Variants in CNTNAP4 observed in about 807,000 individuals in gnomAD.
CNTNAP4 encodes contactin-associated protein-like 4.
In CNTNAP4, 98 loss-of-function variants were observed where a neutral mutation model predicts 148.4. That is an observed-to-expected ratio of 0.66 (90% confidence interval 0.56 to 0.78). The LOEUF (loss-of-function observed/expected upper bound fraction) is 0.78. Ranked by LOEUF, CNTNAP4 falls within the 30% of genes least tolerant of loss-of-function variation. The pLI, the probability that CNTNAP4 is intolerant of heterozygous loss-of-function variation, is 0.00. For missense variants in CNTNAP4, 1,935 were observed against 1,565.6 expected, an observed-to-expected ratio of 1.24 and a Z score of -3.98; for synonymous variants, 730 against 565.1, an observed-to-expected ratio of 1.29 and a Z score of -4.14.
chr16:76,463,047 C>T (rs1007055361), intron 9 of CNTNAP4, among the ~76,000 whole-genome samples: 1 of 152,138 alleles, frequency 6.6e-6, no homozygotes, highest in African/African-American at 2.4e-5. Context: ...AAAAAAACTG[C>T]TACATAATCC....
At chr16:76,393,171 C>A (rs556962940) in intron 3 of CNTNAP4, among the ~76,000 whole-genome samples, 1 of 152,262 alleles carries the variant, frequency 6.6e-6, no homozygotes, top group South Asian at 2.1e-4. Flanking sequence ...CCTATCTAGC[C>A]TTATCTTATG....
intron 17 of CNTNAP4, among the ~76,000 whole-genome samples, chr16:76,527,034 C>A (rs2083764665): frequency 6.6e-6 from 1 of 152,068 alleles, no homozygotes; most frequent in Non-Finnish European, 1.5e-5. Flanking sequence ...TAATTTATAG[C>A]AGTGATTAAA....
chr16:76,334,812 A>G (rs752655325), intron 2 of CNTNAP4, among the ~76,000 whole-genome samples: 3 of 152,064 alleles, frequency 2.0e-5, no homozygotes, highest in African/African-American at 4.8e-5. Flanking sequence ...GCTTTATTCA[A>G]TATGAGAGCT....
At chr16:76,391,582 C>G (rs1361858356) in intron 3 of CNTNAP4, among the ~76,000 whole-genome samples, 1 of 152,154 alleles carries the variant, frequency 6.6e-6, no homozygotes, top group Admixed American at 6.5e-5. Flanking sequence ...CGTGCAGTAT[C>G]AGACTCACTT....
chr16:76,284,269 G>A (rs1208302103), intron 1 of CNTNAP4, among the ~76,000 whole-genome samples: 1 of 151,878 alleles, frequency 6.6e-6, no homozygotes, highest in South Asian at 2.1e-4. Context: ...CTTATAAAAT[G>A]TATGGATGAT....
At chr16:76,438,357 C>T (rs1320948438) in intron 4 of CNTNAP4, among the ~76,000 whole-genome samples, 1 of 152,054 alleles carries the variant, frequency 6.6e-6, no homozygotes. Flanking sequence ...TGGAAGGGGA[C>T]CACCTTTGGA....
chr16:76,408,145 A>G (rs7205862), intron 3 of CNTNAP4, among the ~76,000 whole-genome samples: 53,115 of 151,982 alleles, frequency 0.35, 10,931 homozygotes, highest in Non-Finnish European at 0.44. Context: ...AAATATAAAG[A>G]TACTATTTAT....
chr16:76,282,362 C>T (rs1266057578), intron 1 of CNTNAP4, among the ~76,000 whole-genome samples: 1 of 151,696 alleles, frequency 6.6e-6, no homozygotes, highest in Admixed American at 6.6e-5. Context: ...AATATAAGTT[C>T]AATGAAGTAT....
Position 76,535,665 on chromosome 16 carries a change from G to A in CNTNAP4, c.2876G>A (p.Arg959Lys). 1 of 1,614,066 alleles carries A rather than the reference G, an allele frequency of 6.2e-7. No homozygotes were observed. The highest frequency in any genetic ancestry group is 1.3e-5 in the African/African-American group (1 of 75,044). The change falls in exon 18 of 24, where the codon AGG (arginine) becomes AAG (lysine). Residue 959 changes from arginine to lysine, a missense_variant. By Grantham distance (26) the Arg-to-Lys change is conservative. Transcript: ENST00000611870. ...ACTCCAGAAGTGCAGCCAGGTTGTA[G>A]GGGACATTGCAGCAGCTATGGGAAG... ...QVTPEVQPGCRGHCSSYGKLC... is the reference protein window; with the variant it reads ...QVTPEVQPGCKGHCSSYGKLC...
At chr16:76,424,957 C>T (rs796771777) in intron 3 of CNTNAP4, among the ~76,000 whole-genome samples, 9 of 152,096 alleles carry the variant, frequency 5.9e-5, no homozygotes, top group African/African-American at 2.2e-4. Flanking sequence ...TCGGGATTGC[C>T]ATAGAAATTG....
chr16:76,428,381 T>C (rs2079487707), intron 4 of CNTNAP4, among the ~76,000 whole-genome samples: 1 of 151,944 alleles, frequency 6.6e-6, no homozygotes, highest in Non-Finnish European at 1.5e-5. Flanking sequence ...TATGAAATAA[T>C]CTGGAAGAGA....
chr16:76,424,442 T>C (rs961480254), intron 3 of CNTNAP4, among the ~76,000 whole-genome samples: 5 of 152,078 alleles, frequency 3.3e-5, no homozygotes, highest in Non-Finnish European at 5.9e-5. Flanking sequence ...TTACTCTAAT[T>C]TGGAAAGCTT....
intron 3 of CNTNAP4, among the ~76,000 whole-genome samples, chr16:76,379,644 T>C (rs953351124): frequency 1.3e-5 from 2 of 152,210 alleles, no homozygotes; most frequent in Non-Finnish European, 2.9e-5. Flanking sequence ...AAGTTTTTCC[T>C]CCCATTGAAA....
intron 9 of CNTNAP4, 44 bp downstream of exon 9, chr16:76,462,149 G>A: frequency 2.0e-6 from 3 of 1,537,820 alleles, no homozygotes; most frequent in Non-Finnish European, 2.7e-6. Flanking sequence ...AACCATATTT[G>A]CATTAGTGCC....
intron 2 of CNTNAP4, among the ~76,000 whole-genome samples, chr16:76,317,407 CAG>C (rs1447692976): frequency 6.6e-6 from 1 of 150,978 alleles, no homozygotes; most frequent in Non-Finnish European, 1.5e-5. Context: ...AGAAATAAGA[CAG>C]AATTTCAAAA....
chr16:76,406,334 A>C (rs992319647), intron 3 of CNTNAP4, among the ~76,000 whole-genome samples: 9 of 151,974 alleles, frequency 5.9e-5, no homozygotes, highest in Admixed American at 2.0e-4. Context: ...TCCTCCACCA[A>C]CTGGCTGTTC....
intron 19 of CNTNAP4, among the ~76,000 whole-genome samples, chr16:76,538,860 G>C (rs2144273506): frequency 6.6e-6 from 1 of 152,050 alleles, no homozygotes; most frequent in Non-Finnish European, 1.5e-5. Context: ...ATGTAGATTA[G>C]GAAATGTGTT....
At chr16:76,516,436 A>G (rs1487039835) in intron 15 of CNTNAP4, among the ~76,000 whole-genome samples, 1 of 152,196 alleles carries the variant, frequency 6.6e-6, no homozygotes, top group African/African-American at 2.4e-5. Flanking sequence ...CTTTGGGTGT[A>G]TGCCCAGTAA....
intron 2 of CNTNAP4, among the ~76,000 whole-genome samples, chr16:76,325,904 A>G (rs1962922862): frequency 6.6e-6 from 1 of 152,274 alleles, no homozygotes; most frequent in Admixed American, 6.5e-5. Flanking sequence ...TTCAAAAACA[A>G]ACCTGCAAAA....
Sources: allele counts gnomAD v4.1 joint callset (sites outside exome capture counted in the v4.1 genomes callset), GRCh38; gene constraint gnomAD v4.1.1; transcripts MANE v1.5; gene names NCBI Gene and HGNC (gene_info 2026-07-23, HGNC 2026-07-21).